The following ZNF804B variants were observed in gnomAD, a reference collection of about 807,000 sequenced individuals.
ZNF804B encodes zinc finger protein 804B, also known as zinc finger 804B.
A neutral mutation model predicts 101.4 loss-of-function variants in ZNF804B; 80 were observed. That is an observed-to-expected ratio of 0.79 (90% CI 0.66 to 0.95). The LOEUF is 0.95. Among genes scored for constraint, ZNF804B ranks in the 40% least tolerant of loss-of-function variants. The pLI is 0.00. For missense variants in ZNF804B, 1,673 were observed against 1,561.9 expected, an observed-to-expected ratio of 1.07 and a Z score of -1.20; for synonymous variants, 622 against 558.8, an observed-to-expected ratio of 1.11 and a Z score of -1.59.
chr7:88,794,263 G>T lies in ZNF804B; in HGVS notation c.108+34179G>T, dbSNP rs965834952. 9 of 1,613,586 alleles carry T rather than the reference G, an allele frequency of 5.6e-6. No individual in the cohort carries two copies. In the African/African-American group the frequency reaches 1.1e-4, roughly 19 times the overall value. ...TCTATTATACATGTTTATAAATGTT[G>T]CCGGGTCCATGAATTCTTCGGATTT... On this transcript the variant is annotated intron_variant, in intron 1 of 3. Transcript: ENST00000333190.
At chr7:89,244,558 G>T (rs1789415077) in intron 2 of ZNF804B, among the ~76,000 whole-genome samples, 1 of 152,114 alleles carries the variant, frequency 6.6e-6, no homozygotes, top group Non-Finnish European at 1.5e-5. Context: ...CTGTAACTCT[G>T]AGTGAAAAGT....
At chr7:89,000,854 A>G (rs1293612099) in intron 1 of ZNF804B, among the ~76,000 whole-genome samples, 1 of 149,678 alleles carries the variant, frequency 6.7e-6, no homozygotes, top group Non-Finnish European at 1.5e-5. Flanking sequence ...TTATATATAT[A>G]GAGAGATATC....
At position 88,759,745 on chromosome 7, in the gene ZNF804B, T is replaced by A. The variant is rs935447609; in HGVS notation, c.-232T>A. On this transcript the variant is annotated 5_prime_UTR_variant, in exon 1 of 4. Transcript: ENST00000333190. The stretch of plus-strand genomic sequence containing the variant: ...ATGTGGACTGGCTCGCCGGGTCCCC[T>A]CCGTGCTCTGTGCTGTCGCCGCCGC... 1.1e-5 allele frequency: 6 copies of A among 565,852 alleles called. No homozygotes were observed. The highest frequency in any genetic ancestry group is 1.9e-5 in the African/African-American group (1 of 52,970). 35.1% of individuals were successfully genotyped at this position (565,852 alleles called of 1,614,324 possible). A position where few individuals can be genotyped will look rare whatever the true frequency, so the allele number is the denominator to read the frequency against.
At chr7:88,862,412 C>A (rs1326014985) in intron 1 of ZNF804B, among the ~76,000 whole-genome samples, 1 of 151,952 alleles carries the variant, frequency 6.6e-6, no homozygotes, top group Non-Finnish European at 1.5e-5. Flanking sequence ...AGGTACATGA[C>A]CAGCCTAGGA....
At chr7:88,957,030 A>G (rs1584038260) in intron 1 of ZNF804B, among the ~76,000 whole-genome samples, 2 of 151,586 alleles carry the variant, frequency 1.3e-5, no homozygotes. Flanking sequence ...ATTTTTTGAT[A>G]CACTTTGAAT....
intron 1 of ZNF804B, among the ~76,000 whole-genome samples, chr7:88,864,021 C>T (rs1268223843): frequency 6.6e-6 from 1 of 152,212 alleles, no homozygotes; most frequent in Non-Finnish European, 1.5e-5. Flanking sequence ...GATGTCTTCT[C>T]TCCTGCTCTC....
intron 2 of ZNF804B, among the ~76,000 whole-genome samples, chr7:89,323,720 C>A (rs1790855091): frequency 6.6e-6 from 1 of 152,072 alleles, no homozygotes; most frequent in African/African-American, 2.4e-5. Flanking sequence ...TCTTTACCAC[C>A]CGCTTTGCAC....
At chr7:89,069,381 C>T (rs1422303318) in intron 1 of ZNF804B, among the ~76,000 whole-genome samples, 1 of 152,040 alleles carries the variant, frequency 6.6e-6, no homozygotes, top group Non-Finnish European at 1.5e-5. Context: ...AAAATCACAC[C>T]ATTATAGAAC....
chr7:89,138,818 T>C (rs941003031), intron 1 of ZNF804B, among the ~76,000 whole-genome samples: 1 of 152,134 alleles, frequency 6.6e-6, no homozygotes, highest in African/African-American at 2.4e-5. Context: ...CTCTCTTTTT[T>C]TGCCTGCTGC....
chr7:88,948,181 C>A (rs1225264845), intron 1 of ZNF804B, among the ~76,000 whole-genome samples: 1 of 151,704 alleles, frequency 6.6e-6, no homozygotes, highest in East Asian at 2.0e-4. Flanking sequence ...ATTTTAAGAC[C>A]CTCATAGCAA....
chr7:88,876,546 T>A (rs1441001474), intron 1 of ZNF804B, among the ~76,000 whole-genome samples: 6 of 152,144 alleles, frequency 3.9e-5, no homozygotes, highest in Admixed American at 3.9e-4. Context: ...TAGGCCAAAC[T>A]TTTCTTATCT....
intron 1 of ZNF804B, among the ~76,000 whole-genome samples, chr7:89,078,639 GA>G (rs1360285396): frequency 6.9e-6 from 1 of 145,060 alleles, no homozygotes; most frequent in Admixed American, 6.9e-5. Flanking sequence ...TGTCTAACAC[GA>G]TTTTTTTTTT....
At chr7:89,088,002 A>G (rs748016947) in intron 1 of ZNF804B, among the ~76,000 whole-genome samples, 13 of 144,340 alleles carry the variant, frequency 9.0e-5, no homozygotes, top group Non-Finnish European at 1.8e-4. Context: ...ATATATATAT[A>G]TTAATTTATT....
chr7:89,071,844 A>G (rs1251556516), intron 1 of ZNF804B, among the ~76,000 whole-genome samples: 6 of 151,972 alleles, frequency 3.9e-5, no homozygotes, highest in Admixed American at 3.9e-4. Flanking sequence ...GCATCCTACT[A>G]AGAAATACTT....
chr7:89,293,242 G>A (rs112011555), intron 2 of ZNF804B, among the ~76,000 whole-genome samples: 14 of 151,712 alleles, frequency 9.2e-5, no homozygotes, highest in South Asian at 4.2e-4. Context: ...TGTATAATAC[G>A]TTATTAATAA....
chr7:89,169,556 C>T (rs1267720899), intron 1 of ZNF804B, among the ~76,000 whole-genome samples: 1 of 152,130 alleles, frequency 6.6e-6, no homozygotes, highest in African/African-American at 2.4e-5. Flanking sequence ...GGAAATCCAG[C>T]TAGTCCTGTC....
intron 1 of ZNF804B, among the ~76,000 whole-genome samples, chr7:89,073,380 T>C (rs1448786327): frequency 1.3e-5 from 2 of 152,196 alleles, no homozygotes; most frequent in African/African-American, 4.8e-5. Context: ...ATGCTCACTC[T>C]GATAGATTTT....
intron 2 of ZNF804B, among the ~76,000 whole-genome samples, chr7:89,259,701 A>C (rs1283748370): frequency 6.6e-6 from 1 of 152,102 alleles, no homozygotes; most frequent in African/African-American, 2.4e-5. Context: ...ATAGCAAAAG[A>C]ATGTTAGAAA....
Position 88,897,348 on chromosome 7 carries a change from G to A in ZNF804B, c.108+137264G>A, listed in dbSNP as rs577520484. Among the ~76,000 whole-genome samples the A allele has an allele frequency of 1.2e-4, 18 of 152,248 alleles. No homozygotes were observed. In the Middle Eastern group the frequency reaches 0.017, roughly 144 times the overall value. On this transcript the variant is annotated intron_variant, in intron 1 of 3. Coordinates refer to ENST00000333190, the MANE Select transcript of ZNF804B (RefSeq NM_181646.5). ...GTGGAACCAGAGGTTGAAGTAATAC[G>A]CCTTAAAGACCATGGAAGGGGCTCA...
Sources: gnomAD v4.1 joint callset for allele counts (sites outside exome capture counted in the v4.1 genomes callset) on GRCh38, gnomAD v4.1.1 for gene constraint, MANE v1.5 for transcripts, NCBI Gene and HGNC (gene_info 2026-07-23, HGNC 2026-07-21) for gene names.